The following MRC1 variants were observed in gnomAD, a reference collection of about 807,000 sequenced individuals.
MRC1 encodes mannose receptor C-type 1.
Under a neutral mutation model 102.9 loss-of-function variants are expected in MRC1, and 62 were observed. The ratio of observed to expected loss-of-function variants is 0.60; its 90% confidence interval spans 0.49 to 0.74. The LOEUF (loss-of-function observed/expected upper bound fraction) is 0.74, where lower values mean the gene tolerates loss of function less well. Ranked by LOEUF, MRC1 falls within the 30% of genes least tolerant of loss-of-function variation. The pLI, the probability that MRC1 is intolerant of heterozygous loss-of-function variation, is 0.00. For synonymous variants in MRC1, 457 were observed against 298.4 expected (o/e 1.53, Z -5.48); for missense variants, 1,237 against 862.8 (o/e 1.43, Z -5.43).
chr10:17,873,813 G>T lies in MRC1; in HGVS notation c.2374G>T (p.Ala792Ser). 1.1e-6 allele frequency: 1 copy of T among 872,550 alleles called. No homozygotes were observed. The highest frequency in any genetic ancestry group is 2.0e-6 in the Non-Finnish European group (1 of 501,394). The allele number at this position is 872,550 out of a possible 1,614,324, so 54.1% of individuals were successfully genotyped here. ...AACACCAAAACCTGAGCCAACACCA[G>T]CTCCTCAAGACAGTAGGTGTTTTCT... is the stretch of plus-strand genomic sequence containing the variant. ...GQTPKPEPTP[A>S]PQDNPPVTED... Residue 792 changes from alanine to serine, a missense_variant, in exon 16 of 30, where the codon GCT becomes TCT. By Grantham distance (99) the Ala-to-Ser change is moderately conservative. Transcript: ENST00000569591.
At chr10:17,861,292 G>A (rs1285186064) in intron 9 of MRC1, 95 bp from the exon 10 acceptor site, 8 of 635,460 alleles carry the variant, frequency 1.3e-5, no homozygotes, top group Admixed American at 7.5e-5. Flanking sequence ...CAGCCTGGGC[G>A]ACAAGAGCAA....
chr10:17,870,316 G>C lies in MRC1; in HGVS notation c.2054G>C (p.Gly685Ala). 1 of 780,540 alleles carries C rather than the reference G, an allele frequency of 1.3e-6. No individual in the cohort carries two copies. 48.4% of individuals were successfully genotyped at this position (780,540 alleles called of 1,614,324 possible). The change falls in exon 13 of 30, where the codon GGA becomes GCA. Residue 685 changes from glycine (G) to alanine (A), a missense_variant. Physicochemically the swap from Gly to Ala is moderately conservative, Grantham distance 60. Coordinates refer to ENST00000569591, the MANE Select transcript of MRC1 (RefSeq NM_002438.4). ...CGAGATTTTTGTCGAGCTCTGGGTG[G>C]AGACTTAGCTAGCATCAATAACAAA... ...ESRDFCRALG[G>A]DLASINNKEE...
At chr10:17,832,386 C>T (rs1276001948) in intron 3 of MRC1, among the ~76,000 whole-genome samples, 2 of 150,468 alleles carry the variant, frequency 1.3e-5, no homozygotes, top group Non-Finnish European at 2.9e-5. Context: ...GAAACCCCGT[C>T]TCTACTAAAA....
chr10:17,841,592 A>T (rs1838750301), intron 5 of MRC1, among the ~76,000 whole-genome samples: 1 of 152,220 alleles, frequency 6.6e-6, no homozygotes, highest in East Asian at 1.9e-4. Context: ...ATATAAAATA[A>T]GTTTACATAT....
intron 29 of MRC1, 30 bp downstream of exon 29, chr10:17,909,377 T>A: frequency 1.2e-6 from 1 of 856,682 alleles, no homozygotes; most frequent in South Asian, 1.3e-5. Context: ...TCAAGTTCTG[T>A]GTTAGTAATA....
intron 5 of MRC1, among the ~76,000 whole-genome samples, chr10:17,841,466 T>C (rs936980826): frequency 1.3e-5 from 2 of 152,210 alleles, no homozygotes; most frequent in Non-Finnish European, 1.5e-5. Context: ...AACAGTAGTT[T>C]ATAGAAAAAC....
intron 2 of MRC1, among the ~76,000 whole-genome samples, chr10:17,823,995 G>C (rs1345238785): frequency 2.0e-5 from 3 of 152,174 alleles, no homozygotes; most frequent in African/African-American, 7.2e-5. Flanking sequence ...TGGGTATTTA[G>C]AGACTGTAAT....
At chr10:17,809,826 T>C (rs1838196235) in intron 1 of MRC1, among the ~76,000 whole-genome samples, 1 of 152,148 alleles carries the variant, frequency 6.6e-6, no homozygotes, top group African/African-American at 2.4e-5. Flanking sequence ...TTCCCTGTTT[T>C]CTTCGTGCAG....
chr10:17,812,991 A>G (rs530527494), intron 1 of MRC1, among the ~76,000 whole-genome samples: 1 of 152,298 alleles, frequency 6.6e-6, no homozygotes, highest in East Asian at 1.9e-4. Flanking sequence ...GAACATCTGC[A>G]AAAAATGATA....
At chr10:17,834,369 T>G (rs939941542) in intron 4 of MRC1, among the ~76,000 whole-genome samples, 4 of 152,184 alleles carry the variant, frequency 2.6e-5, no homozygotes, top group African/African-American at 9.6e-5. Flanking sequence ...TGATACTCTT[T>G]CCACAATGTG....
At chr10:17,822,691 C>T (rs1838414455) in intron 1 of MRC1, among the ~76,000 whole-genome samples, 2 of 152,176 alleles carry the variant, frequency 1.3e-5, no homozygotes, top group East Asian at 3.8e-4. Context: ...TTATTGTATT[C>T]GTATTACCCA....
intron 1 of MRC1, among the ~76,000 whole-genome samples, chr10:17,810,898 T>C (rs1039692910): frequency 0.015 from 2,344 of 152,334 alleles, 61 homozygotes; most frequent in African/African-American, 0.054. Context: ...GTTCGAGTGA[T>C]TCTCCTGCCT....
chr10:17,854,855 A>G, intron 8 of MRC1: 1 of 157,176 alleles, frequency 6.4e-6, no homozygotes, highest in Non-Finnish European at 1.4e-5. Flanking sequence ...CATCCAGCTA[A>G]CTTTTTTGTA....
chr10:17,874,226 C>T (rs1188522991), intron 16 of MRC1, among the ~76,000 whole-genome samples: 3 of 152,120 alleles, frequency 2.0e-5, no homozygotes, highest in Non-Finnish European at 4.4e-5. Flanking sequence ...GGCAGGACCA[C>T]GCTCCCTTTA....
chr10:17,890,217 AT>A (rs1386141756), intron 22 of MRC1, among the ~76,000 whole-genome samples: 1,593 of 150,094 alleles, frequency 0.011, 10 homozygotes, highest in Admixed American at 0.017. Flanking sequence ...TAGAGATAAG[AT>A]TTTTTTTTTC....
chr10:17,907,954 T>G (rs1554843993), intron 28 of MRC1, among the ~76,000 whole-genome samples: 1 of 152,234 alleles, frequency 6.6e-6, no homozygotes, highest in Non-Finnish European at 1.5e-5. Context: ...CTGAAGGATT[T>G]GCCAAGCTGC....
At chr10:17,811,543 T>C (rs1838222708) in intron 1 of MRC1, among the ~76,000 whole-genome samples, 1 of 152,024 alleles carries the variant, frequency 6.6e-6, no homozygotes, top group African/African-American at 2.4e-5. Context: ...TTTTTTTTCC[T>C]ACGTGAAAGC....
At position 17,832,017 on chromosome 10, in the gene MRC1, T is replaced by C. The variant is rs1478537361; in HGVS notation, c.638-1658T>C. On this transcript the variant is annotated intron_variant, in intron 3 of 29. Transcript: ENST00000569591. ...CTAAGCGCTCCACCTGTATTAAATA[T>C]ATTCTAGCAATGAGAAAACGAGACT... Among the ~76,000 whole-genome samples, 4 of 151,674 alleles carry C rather than the reference T, an allele frequency of 2.6e-5. No individual in the cohort carries two copies. The East Asian group carries it at 7.7e-4, about 29-fold the overall frequency.
chr10:17,823,183 A>G lies in MRC1; in HGVS notation c.171A>G (p.Lys57=), dbSNP rs1838421776. ...GCAACCAGGATGCCGAATCACAGAA[A>G]TTCCGATGGGTGTCCGAATCTCAGA... ...AACNQDAESQ[K]FRWVSESQIM... The change falls in exon 2 of 30, where the codon AAA becomes AAG. Residue 57 remains lysine (K), a synonymous_variant. Coordinates refer to ENST00000569591, the MANE Select transcript of MRC1 (RefSeq NM_002438.4). The G allele has an allele frequency of 2.6e-6, 2 of 780,740 alleles. No individual in the cohort carries two copies. The highest frequency in any genetic ancestry group is 3.4e-5 in the African/African-American group (2 of 59,126). 48.4% of individuals were successfully genotyped at this position (780,740 alleles called of 1,614,324 possible). A position where few individuals can be genotyped will look rare whatever the true frequency, so the allele number is the denominator to read the frequency against.
Sources: allele counts gnomAD v4.1 joint callset (sites outside exome capture counted in the v4.1 genomes callset), GRCh38; gene constraint gnomAD v4.1.1; transcripts MANE v1.5; gene names NCBI Gene and HGNC (gene_info 2026-07-23, HGNC 2026-07-21).